Variants in CELF2 observed in about 807,000 individuals in gnomAD.
The protein encoded by CELF2 is CUGBP Elav-like family member 2.
CELF2 carries 8 observed loss-of-function variants against 62.6 expected under a neutral mutation model. The ratio of observed to expected loss-of-function variants is 0.13; its 90% confidence interval spans 0.07 to 0.23. The LOEUF (loss-of-function observed/expected upper bound fraction) is 0.23. CELF2 is among the 10% of genes least tolerant of loss of function. CELF2 has a pLI of 1.00. For missense variants in CELF2, 333 were observed against 671.0 expected, an observed-to-expected ratio of 0.50 and a Z score of 5.56; for synonymous variants, 258 against 250.0, an observed-to-expected ratio of 1.03 and a Z score of -0.30.
chr10:11,263,174 T>C (rs1590105545), intron 5 of CELF2, among the ~76,000 whole-genome samples: 1 of 152,188 alleles, frequency 6.6e-6, no homozygotes, highest in East Asian at 1.9e-4. Context: ...GTCAATCATT[T>C]ATCTGTTTTA....
the CELF2 span, among the ~76,000 whole-genome samples, chr10:10,635,418 TTC>T: frequency 2.0e-5 from 3 of 152,200 alleles, no homozygotes; most frequent in Non-Finnish European, 4.4e-5. Flanking sequence ...TCAATTATTT[TTC>T]TAGAAGGTCG....
chr10:10,761,585 T>A, the CELF2 span, among the ~76,000 whole-genome samples: 1 of 152,186 alleles, frequency 6.6e-6, no homozygotes, highest in South Asian at 2.1e-4. Flanking sequence ...CAAATGTGGG[T>A]GGGCCTCATC....
chr10:10,475,049 A>G, the CELF2 span, among the ~76,000 whole-genome samples: 1 of 152,150 alleles, frequency 6.6e-6, no homozygotes, highest in Non-Finnish European at 1.5e-5. Context: ...CAGAATGTCC[A>G]AAGGAGTATT....
chr10:10,809,064 G>T (rs1341245123), intron 1 of CELF2, among the ~76,000 whole-genome samples: 1 of 152,098 alleles, frequency 6.6e-6, no homozygotes, highest in East Asian at 1.9e-4. Flanking sequence ...GAGGCTGTGG[G>T]GAAATAATTA....
chr10:10,717,077 T>C, the CELF2 span, among the ~76,000 whole-genome samples: 2 of 152,370 alleles, frequency 1.3e-5, no homozygotes, highest in Non-Finnish European at 2.9e-5. Context: ...CAGGAAGCTA[T>C]TTTATAGATT....
At chr10:10,481,778 A>C in the CELF2 span, among the ~76,000 whole-genome samples, 1 of 152,176 alleles carries the variant, frequency 6.6e-6, no homozygotes, top group Non-Finnish European at 1.5e-5. Flanking sequence ...TTGTCGACTC[A>C]ATTCTGTAGT....
At position 11,098,073 on chromosome 10, in the gene CELF2, A is replaced by G. The variant is rs1469243286; in HGVS notation, c.75-67413A>G. On this transcript the variant is annotated intron_variant, in intron 1 of 12. Transcript: ENST00000633077. The surrounding 1 kb of genome is among the most constrained non-coding windows in gnomAD (Gnocchi z 4.0). ...CCAGGGCTGTCCCTGGGTACTCACC[A>G]GAAAAGCAAATTCAGGATGATGTGA... The G allele has an allele frequency of 6.6e-6, 1 of 152,428 alleles. No individual in the cohort carries two copies. Among genetic ancestry groups the G allele is most frequent in the African/African-American group, 2.4e-5 (1 of 41,476 alleles). 9.4% of individuals were successfully genotyped at this position (152,428 alleles called of 1,614,324 possible).
chr10:10,757,277 G>C, the CELF2 span, among the ~76,000 whole-genome samples: 1 of 151,316 alleles, frequency 6.6e-6, no homozygotes, highest in Non-Finnish European at 1.5e-5. Context: ...GGACAACAAA[G>C]CAAGAACCCT....
the CELF2 span, among the ~76,000 whole-genome samples, chr10:10,525,027 G>T: frequency 6.6e-6 from 1 of 152,084 alleles, no homozygotes; most frequent in African/African-American, 2.4e-5. Context: ...TCATTTTATT[G>T]TATGTACTTA....
At chr10:10,755,625 A>G in the CELF2 span, among the ~76,000 whole-genome samples, 2 of 152,174 alleles carry the variant, frequency 1.3e-5, no homozygotes, top group African/African-American at 4.8e-5. Flanking sequence ...CATCTTTGTA[A>G]CCCTTCTCAG....
chr10:10,804,910 G>A (rs1475185), intron 1 of CELF2, among the ~76,000 whole-genome samples: 108,378 of 152,086 alleles, frequency 0.71, 38,872 homozygotes, highest in African/African-American at 0.79. Flanking sequence ...TGTCATGTGT[G>A]GATACCCTTC....
chr10:11,039,362 C>A lies in CELF2; in HGVS notation c.74+21199C>A, dbSNP rs183144178. ...GGATGTAAGCTCATCTCAAATGTAG[C>A]CCATCAAAGCTATTAAATAACATAG... On this transcript the variant is annotated intron_variant, in intron 1 of 12. Coordinates refer to ENST00000633077, the MANE Select transcript of CELF2 (RefSeq NM_001326342.2). The surrounding 1 kb of genome is among the most constrained non-coding windows in gnomAD (Gnocchi z 4.1). 6.6e-6 allele frequency among the ~76,000 whole-genome samples: 1 copy of A among 152,176 alleles called. No individual in the cohort carries two copies. The highest frequency in any genetic ancestry group is 2.4e-5 in the African/African-American group (1 of 41,444).
chr10:10,591,473 G>C, the CELF2 span, among the ~76,000 whole-genome samples: 1 of 151,908 alleles, frequency 6.6e-6, no homozygotes, highest in East Asian at 1.9e-4. Flanking sequence ...TTTAAAGAAA[G>C]ATGTGAAATA....
chr10:11,194,322 C>T (rs552859659), intron 2 of CELF2, among the ~76,000 whole-genome samples: 3 of 152,270 alleles, frequency 2.0e-5, no homozygotes, highest in Non-Finnish European at 4.4e-5. Context: ...CCTCGGCTTC[C>T]CAAAGTGCTG....
chr10:11,213,478 C>G (rs141970262), intron 2 of CELF2, among the ~76,000 whole-genome samples: 1 of 152,316 alleles, frequency 6.6e-6, no homozygotes, highest in East Asian at 1.9e-4. Flanking sequence ...GTTGAGCCTT[C>G]GTGGTTTTTC....
chr10:10,508,451 C>T, the CELF2 span, among the ~76,000 whole-genome samples: 1 of 152,196 alleles, frequency 6.6e-6, no homozygotes, highest in South Asian at 2.1e-4. Flanking sequence ...GCCAAACAAC[C>T]TACATCAGAG....
At chr10:10,620,937 A>C in the CELF2 span, among the ~76,000 whole-genome samples, 1 of 129,926 alleles carries the variant, frequency 7.7e-6, no homozygotes, top group Admixed American at 8.1e-5. Context: ...AAAAAAAAAA[A>C]AAAAGGCGGA....
At chr10:10,959,980 G>A (rs1051353818) in intron 2 of CELF2, among the ~76,000 whole-genome samples, 2 of 152,212 alleles carry the variant, frequency 1.3e-5, no homozygotes, top group Admixed American at 1.3e-4. Flanking sequence ...CAGCACTGTG[G>A]TTATCAACAT....
chr10:11,084,849 C>G lies in CELF2; in HGVS notation c.74+66686C>G, dbSNP rs17149449. ...GACCCCGCAACAAAGAGGTCATTAT[C>G]GTCAAACTGCTAAGGTCATCAGTAT... On this transcript the variant is annotated intron_variant, in intron 1 of 12. Coordinates refer to ENST00000633077, the MANE Select transcript of CELF2 (RefSeq NM_001326342.2). Among the ~76,000 whole-genome samples, 1,129 of 152,256 alleles carry G rather than the reference C, an allele frequency of 7.4e-3. 42 individuals are homozygous for G. Among genetic ancestry groups the G allele is most frequent in the South Asian group, 0.057 (274 of 4,816 alleles).
Sources: allele counts gnomAD v4.1 joint callset (sites outside exome capture counted in the v4.1 genomes callset), GRCh38; gene constraint gnomAD v4.1.1; non-coding constraint Gnocchi (gnomAD v3.1); transcripts MANE v1.5; gene names NCBI Gene and HGNC (gene_info 2026-07-23, HGNC 2026-07-21).